Variants in ERBB4 observed in about 807,000 individuals in gnomAD.
ERBB4 encodes the protein erb-b2 receptor tyrosine kinase 4.
ERBB4 carries 42 observed loss-of-function variants against 158.0 expected under a neutral mutation model. The ratio of observed to expected loss-of-function variants is 0.27; its 90% CI spans 0.21 to 0.34. The LOEUF is 0.34. Ranked by LOEUF, ERBB4 falls within the 10% of genes least tolerant of loss-of-function variation. The probability of loss-of-function intolerance (pLI) is 1.00; values close to 1 mark genes in which losing one functional copy is unlikely to be tolerated. For synonymous variants in ERBB4, 583 were observed against 558.7 expected, an observed-to-expected ratio of 1.04 and a Z score of -0.61; for missense variants, 1,333 against 1,624.1, an observed-to-expected ratio of 0.82 and a Z score of 3.08.
intron 4 of ERBB4, among the ~76,000 whole-genome samples, chr2:211,768,653 C>T (rs2075616682): frequency 6.6e-6 from 1 of 152,186 alleles, no homozygotes. Flanking sequence ...AAGCCATGTC[C>T]TGAACTGTAT....
At chr2:211,571,904 A>G (rs947171978) in intron 19 of ERBB4, among the ~76,000 whole-genome samples, 4 of 152,060 alleles carry the variant, frequency 2.6e-5, no homozygotes, top group Non-Finnish European at 5.9e-5. Flanking sequence ...ACGGTAAATA[A>G]TTTTCCCATA....
At chr2:211,765,510 AGCC>A in intron 4 of ERBB4, among the ~76,000 whole-genome samples, 1 of 152,300 alleles carries the variant, frequency 6.6e-6, no homozygotes, top group African/African-American at 2.4e-5. Context: ...AAAATCTCTG[AGCC>A]CATTGTATAT....
At chr2:211,793,956 C>A (rs1023752676) in intron 3 of ERBB4, among the ~76,000 whole-genome samples, 1 of 151,592 alleles carries the variant, frequency 6.6e-6, no homozygotes, top group African/African-American at 2.4e-5. Flanking sequence ...GTATTGGGAG[C>A]GGGTAGAGGG....
At chr2:212,076,854 T>C (rs2125457310) in intron 2 of ERBB4, among the ~76,000 whole-genome samples, 1 of 151,896 alleles carries the variant, frequency 6.6e-6, no homozygotes, top group South Asian at 2.1e-4. Flanking sequence ...AGAGTAAAAA[T>C]GCAAGCCACC....
At chr2:211,445,253 G>A (rs2064081738) in intron 20 of ERBB4, among the ~76,000 whole-genome samples, 1 of 152,074 alleles carries the variant, frequency 6.6e-6, no homozygotes, top group Admixed American at 6.6e-5. Context: ...AAAGAATCAA[G>A]GAGATCAATT....
chr2:211,839,516 A>C (rs1049196239), intron 3 of ERBB4, among the ~76,000 whole-genome samples: 17 of 152,104 alleles, frequency 1.1e-4, no homozygotes, highest in African/African-American at 3.1e-4. Context: ...TCTCAGGTGC[A>C]TGTAACTATT....
intron 19 of ERBB4, among the ~76,000 whole-genome samples, chr2:211,613,121 G>C (rs1574857760): frequency 6.6e-6 from 1 of 152,142 alleles, no homozygotes; most frequent in East Asian, 1.9e-4. Flanking sequence ...ACAGACTAGA[G>C]ATGGAACTTG....
At chr2:211,583,187 C>A (rs74572427) in intron 19 of ERBB4, among the ~76,000 whole-genome samples, 1 of 151,960 alleles carries the variant, frequency 6.6e-6, no homozygotes, top group Non-Finnish European at 1.5e-5. Context: ...TTCACTTTAT[C>A]GACAAACACA....
At chr2:211,820,030 G>GT (rs1284083928) in intron 3 of ERBB4, among the ~76,000 whole-genome samples, 1 of 151,880 alleles carries the variant, frequency 6.6e-6, no homozygotes, top group Non-Finnish European at 1.5e-5. Flanking sequence ...ATGGAGTTCA[G>GT]TTTAAGGTGC....
chr2:211,812,897 G>A (rs2076792449), intron 3 of ERBB4, among the ~76,000 whole-genome samples: 1 of 152,178 alleles, frequency 6.6e-6, no homozygotes, highest in Non-Finnish European at 1.5e-5. Context: ...AAGACCTTTG[G>A]AAAAATGCAG....
intron 19 of ERBB4, among the ~76,000 whole-genome samples, chr2:211,587,597 A>C (rs2068324879): frequency 6.6e-6 from 1 of 152,116 alleles, no homozygotes; most frequent in South Asian, 2.1e-4. Flanking sequence ...TCATTTTGGA[A>C]TTCTGGTTTC....
intron 20 of ERBB4, among the ~76,000 whole-genome samples, chr2:211,482,375 G>T (rs1161529039): frequency 6.6e-6 from 1 of 152,158 alleles, no homozygotes; most frequent in Non-Finnish European, 1.5e-5. Flanking sequence ...CAGTATTGGG[G>T]AAAAATTAAC....
chr2:212,400,330 G>A (rs2091165070), intron 1 of ERBB4, among the ~76,000 whole-genome samples: 1 of 152,146 alleles, frequency 6.6e-6, no homozygotes. Flanking sequence ...GAAGCACCTA[G>A]GGCCTAGCTG....
chr2:211,704,081 C>T (rs2073349729), intron 11 of ERBB4, 23 bp downstream of exon 11: 4 of 1,332,524 alleles, frequency 3.0e-6, no homozygotes, highest in African/African-American at 1.4e-5. Context: ...GTGAGCCCTG[C>T]AGCTTTAAAC....
chr2:211,540,847 C>G (rs553807344), intron 20 of ERBB4, among the ~76,000 whole-genome samples: 1 of 151,938 alleles, frequency 6.6e-6, no homozygotes, highest in Non-Finnish European at 1.5e-5. Flanking sequence ...AGCAAAACAA[C>G]TTACTGTATA....
rs564872169 is a variant in ERBB4 at position 212,039,842 on chromosome 2, A to AAAAAGAAAAG, written c.234+84900_234+84909dup. ...ACACACAAATGCCTACCACCACAAA[A>AAAAAGAAAAG]AAAAGAAAAGAAAAGAAAAGGAAAG... On this transcript the variant is annotated intron_variant, in intron 2 of 27. Transcript: ENST00000342788. 6.6e-5 allele frequency among the ~76,000 whole-genome samples: 10 copies of AAAAAGAAAAG among 152,168 alleles called. No individual in the cohort carries two copies. In the South Asian group the frequency reaches 1.9e-3, roughly 28 times the overall value.
chr2:212,120,559 G>A (rs554933664), intron 2 of ERBB4, among the ~76,000 whole-genome samples: 1 of 152,088 alleles, frequency 6.6e-6, no homozygotes, highest in African/African-American at 2.4e-5. Context: ...GAGGTATCAG[G>A]GAAAATTGTC....
Position 211,570,110 on chromosome 2 carries a change from C to G in ERBB4, c.2302-8022G>C, listed in dbSNP as rs182060929. Among the ~76,000 whole-genome samples, 1,336 of 138,720 alleles carry G rather than the reference C, an allele frequency of 9.6e-3. 20 individuals carry two copies. Among genetic ancestry groups the G allele is most frequent in the African/African-American group, 0.032 (1,283 of 40,454 alleles). 91.0% of individuals were successfully genotyped at this position (138,720 alleles called of 152,430 possible). ...CTGATTTGATCCTCCAAAAATTACT[C>G]TTTTAGTTGTTTAAAATTTATTTAT... On this transcript the variant is annotated intron_variant, in intron 19 of 27. Transcript: ENST00000342788.
intron 3 of ERBB4, among the ~76,000 whole-genome samples, chr2:211,874,143 A>G (rs1559599728): frequency 6.6e-6 from 1 of 152,142 alleles, no homozygotes; most frequent in African/African-American, 2.4e-5. Flanking sequence ...CCAGTCAAAA[A>G]AAGCAAACAA....
Sources: gnomAD v4.1 joint callset for allele counts (sites outside exome capture counted in the v4.1 genomes callset) on GRCh38, gnomAD v4.1.1 for gene constraint, MANE v1.5 for transcripts, NCBI Gene and HGNC (gene_info 2026-07-23, HGNC 2026-07-21) for gene names.